The following ECHDC1 variants were observed in gnomAD, a reference collection of about 807,000 sequenced individuals.
ECHDC1 encodes the protein ethylmalonyl-CoA decarboxylase.
Under a neutral mutation model 29.7 loss-of-function variants are expected in ECHDC1, and 29 were observed. The ratio of observed to expected loss-of-function variants is 0.98; its 90% CI spans 0.73 to 1.33. The LOEUF (loss-of-function observed/expected upper bound fraction) is 1.33, where lower values mean the gene tolerates loss of function less well. ECHDC1 is among the 40% of genes most tolerant of loss of function. The pLI is 0.00. For missense variants in ECHDC1, 328 were observed against 350.0 expected, an observed-to-expected ratio of 0.94 and a Z score of 0.50; for synonymous variants, 126 against 123.1, an observed-to-expected ratio of 1.02 and a Z score of -0.15.
chr6:127,299,114 G>A (rs1026816242), intron 5 of ECHDC1, among the ~76,000 whole-genome samples: 11 of 151,962 alleles, frequency 7.2e-5, no homozygotes, highest in Admixed American at 1.3e-4. Context: ...CAATCCTCCT[G>A]CCTTGGCCTT....
chr6:127,338,644 A>G (rs1784644545), intron 1 of ECHDC1, among the ~76,000 whole-genome samples: 1 of 152,214 alleles, frequency 6.6e-6, no homozygotes, highest in Non-Finnish European at 1.5e-5. Context: ...ACTCACATAC[A>G]TATATATAAA....
chr6:127,324,925 T>C (rs1783180980), intron 3 of ECHDC1, among the ~76,000 whole-genome samples: 1 of 152,216 alleles, frequency 6.6e-6, no homozygotes. Context: ...TGGACTTATA[T>C]GTCCCCCTTC....
At chr6:127,340,055 C>G (rs1337307267) in intron 1 of ECHDC1, among the ~76,000 whole-genome samples, 1 of 152,182 alleles carries the variant, frequency 6.6e-6, no homozygotes, top group East Asian at 1.9e-4. Flanking sequence ...GCAACATAAT[C>G]TCTATTGGAT....
chr6:127,301,605 T>C (rs1019882462), intron 5 of ECHDC1, among the ~76,000 whole-genome samples: 1 of 152,226 alleles, frequency 6.6e-6, no homozygotes, highest in Non-Finnish European at 1.5e-5. Context: ...GAGGAACTTG[T>C]ACTGATTTAT....
chr6:127,306,310 A>T (rs545461695), intron 5 of ECHDC1, among the ~76,000 whole-genome samples: 1 of 152,282 alleles, frequency 6.6e-6, no homozygotes, highest in East Asian at 1.9e-4. Context: ...AGGAAACATT[A>T]TTAGAGCTAA....
At chr6:127,322,646 G>GTA (rs60212728) in intron 3 of ECHDC1, among the ~76,000 whole-genome samples, 47,053 of 149,084 alleles carry the variant, frequency 0.32, 7,565 homozygotes, top group Non-Finnish European at 0.35. Flanking sequence ...ATATATGTGT[G>GTA]TATATATATA....
At chr6:127,327,818 T>C (rs1255663522) in intron 2 of ECHDC1, among the ~76,000 whole-genome samples, 3 of 152,246 alleles carry the variant, frequency 2.0e-5, no homozygotes, top group Non-Finnish European at 4.4e-5. Flanking sequence ...AGCTTCTTTA[T>C]AATAGACAAA....
rs770836268 is a variant in ECHDC1, at chr6:127,290,069, G to A, written c.706C>T (p.Leu236=). Residue 236 remains leucine (L), a synonymous_variant, in exon 6 of 6, where the codon CTA becomes TTA. Transcript: ENST00000454859. ...VLQSSDETKS[L]EEAQEWLKQF... is the part of the protein sequence containing the mutation. ...TTTAGCCATTCTTGTGCCTCTTCTAGAGATTTAGTTTCATCTGAAGACTGC... is the reference window on the plus strand; with the variant it reads ...TTTAGCCATTCTTGTGCCTCTTCTAAAGATTTAGTTTCATCTGAAGACTGC... The A allele has an allele frequency of 1.1e-5, 18 of 1,613,522 alleles. No homozygotes were observed. Among genetic ancestry groups the A allele is most frequent in the Non-Finnish European group, 1.3e-5 (15 of 1,179,754 alleles).
At chr6:127,307,239 T>A (rs1250275326) in intron 5 of ECHDC1, among the ~76,000 whole-genome samples, 3 of 152,020 alleles carry the variant, frequency 2.0e-5, no homozygotes, top group East Asian at 3.9e-4. Context: ...AATAACCTAA[T>A]AATGCATCTT....
chr6:127,324,864 G>A (rs1186984944), intron 3 of ECHDC1, among the ~76,000 whole-genome samples: 2 of 152,112 alleles, frequency 1.3e-5, no homozygotes, highest in Non-Finnish European at 2.9e-5. Flanking sequence ...GAATAAATAA[G>A]TATGTGAGTA....
chr6:127,301,411 A>G (rs1781043301), intron 5 of ECHDC1, among the ~76,000 whole-genome samples: 1 of 152,232 alleles, frequency 6.6e-6, no homozygotes, highest in African/African-American at 2.4e-5. Context: ...CTCCAAGGTA[A>G]GAAAGTTAAA....
intron 2 of ECHDC1, among the ~76,000 whole-genome samples, chr6:127,329,492 T>C (rs75973322): frequency 0.025 from 3,788 of 152,290 alleles, 65 homozygotes; most frequent in East Asian, 0.1. Flanking sequence ...TGGACTAATA[T>C]TAAATTGGTT....
chr6:127,319,393 C>G (rs1185787715), intron 3 of ECHDC1, among the ~76,000 whole-genome samples: 2 of 152,106 alleles, frequency 1.3e-5, no homozygotes, highest in Non-Finnish European at 1.5e-5. Flanking sequence ...GTCTGACATA[C>G]AGTAAGAGAA....
At chr6:127,319,633 A>G (rs1240344945) in intron 3 of ECHDC1, among the ~76,000 whole-genome samples, 2 of 152,220 alleles carry the variant, frequency 1.3e-5, no homozygotes, top group African/African-American at 2.4e-5. Context: ...CCAGTAAGAG[A>G]TATCTGTGAT....
At chr6:127,290,363 A>C in intron 5 of ECHDC1, 86 bp from the exon 6 acceptor site, 1 of 1,361,994 alleles carries the variant, frequency 7.3e-7, no homozygotes, top group South Asian at 1.4e-5. Flanking sequence ...TCTGATGTGA[A>C]TTCTCCATAG....
intron 5 of ECHDC1, among the ~76,000 whole-genome samples, chr6:127,295,742 TTAAG>T (rs1159320795): frequency 3.3e-5 from 5 of 152,354 alleles, no homozygotes; most frequent in Admixed American, 6.5e-5. Flanking sequence ...TATCCTTTCA[TTAAG>T]TATTTGTGCT....
At chr6:127,339,385 C>T (rs935680632) in intron 1 of ECHDC1, among the ~76,000 whole-genome samples, 4 of 151,170 alleles carry the variant, frequency 2.6e-5, no homozygotes, top group Non-Finnish European at 1.5e-5. Flanking sequence ...AACTAAATGA[C>T]ACATAATGTG....
At chr6:127,294,298 C>A (rs912894602) in intron 5 of ECHDC1, among the ~76,000 whole-genome samples, 3 of 152,176 alleles carry the variant, frequency 2.0e-5, no homozygotes, top group African/African-American at 7.2e-5. Flanking sequence ...AACTTGCTCG[C>A]ATGGGGAAAT....
intron 5 of ECHDC1, among the ~76,000 whole-genome samples, chr6:127,305,483 T>TA (rs1306143226): frequency 1.3e-5 from 2 of 151,916 alleles, no homozygotes; most frequent in Non-Finnish European, 1.5e-5. Flanking sequence ...CATCTGAAGG[T>TA]AAAAAACTCA....
Sources: allele counts gnomAD v4.1 joint callset (sites outside exome capture counted in the v4.1 genomes callset), GRCh38; gene constraint gnomAD v4.1.1; transcripts MANE v1.5; gene names NCBI Gene and HGNC (gene_info 2026-07-23, HGNC 2026-07-21).